Variants in NBEA observed in about 807,000 individuals in gnomAD.
NBEA encodes the protein lysosomal-trafficking regulator 2.
In NBEA, 44 loss-of-function variants were observed where a neutral mutation model predicts 343.4. The ratio of observed to expected loss-of-function variants is 0.13; its 90% CI spans 0.10 to 0.16. NBEA has a LOEUF of 0.16. Ranked by LOEUF, NBEA falls within the 10% of genes least tolerant of loss-of-function variation. The pLI, the probability that NBEA is intolerant of heterozygous loss-of-function variation, is 1.00. For synonymous variants in NBEA, 1,175 were observed against 1,238.7 expected, an observed-to-expected ratio of 0.95 and a Z score of 1.08; for missense variants, 2,555 against 3,631.3, an observed-to-expected ratio of 0.70 and a Z score of 7.62.
intron 1 of NBEA, 46 bp from the exon 2 acceptor site, chr13:35,040,887 A>G (rs1442802710): frequency 1.3e-6 from 2 of 1,492,926 alleles, no homozygotes; most frequent in Non-Finnish European, 1.9e-6. Context: ...ACTGTCATCG[A>G]TAACCTCCCA....
intron 1 of NBEA, among the ~76,000 whole-genome samples, chr13:34,996,295 GTT>G (rs2060937901): frequency 6.6e-6 from 1 of 152,010 alleles, no homozygotes; most frequent in African/African-American, 2.4e-5. Flanking sequence ...TTAGAAAACT[GTT>G]GATAGAGTCT....
At chr13:35,391,644 T>A (rs2042505502) in intron 38 of NBEA, among the ~76,000 whole-genome samples, 1 of 151,898 alleles carries the variant, frequency 6.6e-6, no homozygotes, top group East Asian at 1.9e-4. Context: ...TCATTGTAGA[T>A]GCATGAAGTA....
intron 48 of NBEA, among the ~76,000 whole-genome samples, chr13:35,615,317 G>T (rs2082693058): frequency 6.6e-6 from 1 of 150,588 alleles, no homozygotes; most frequent in South Asian, 2.1e-4. Context: ...ATTAGCTGAG[G>T]AGTTATTGAC....
chr13:35,159,883 A>G lies in NBEA; in HGVS notation c.3712A>G (p.Thr1238Ala). 1 of 1,601,816 alleles carries G rather than the reference A, an allele frequency of 6.2e-7. No individual in the cohort carries two copies. Residue 1238 changes from threonine (T) to alanine (A), a missense_variant, in exon 22 of 59, where the codon ACT becomes GCT. Physicochemically the swap from Thr to Ala is moderately conservative, Grantham distance 58 (BLOSUM62 0). Coordinates refer to ENST00000379939, the MANE Select transcript of NBEA (RefSeq NM_001385012.1). ...TAAGGGGCTGGAGTATGCTGAAATGACTGCTACAACTCTGGAAACTGAGTC... is the reference window on the plus strand; with the variant it reads ...TAAGGGGCTGGAGTATGCTGAAATGGCTGCTACAACTCTGGAAACTGAGTC... ...STKGLEYAEM[T>A]ATTLETESSS...
intron 41 of NBEA, chr13:35,475,375 T>C (rs1197389991): frequency 1.2e-6 from 2 of 1,613,724 alleles, no homozygotes; most frequent in African/African-American, 1.3e-5. Context: ...CCTTAAGGTT[T>C]TGAGGATGGA....
intron 34 of NBEA, among the ~76,000 whole-genome samples, chr13:35,257,492 TG>T (rs1164826063): frequency 6.6e-6 from 1 of 152,224 alleles, no homozygotes; most frequent in Non-Finnish European, 1.5e-5. Flanking sequence ...ATGACTACTA[TG>T]GTTATGTTTA....
At chr13:35,503,796 T>C (rs1284064164) in intron 41 of NBEA, among the ~76,000 whole-genome samples, 1 of 152,120 alleles carries the variant, frequency 6.6e-6, no homozygotes, top group Non-Finnish European at 1.5e-5. Context: ...ATTATTCTTA[T>C]TTATTTTTGT....
intron 38 of NBEA, among the ~76,000 whole-genome samples, chr13:35,365,737 A>G (rs981179454): frequency 8.0e-4 from 121 of 151,752 alleles, no homozygotes; most frequent in African/African-American, 2.8e-3. Context: ...TTGGAAAATT[A>G]TGTAAATATA....
At chr13:35,416,814 AC>A (rs201875896) in intron 38 of NBEA, among the ~76,000 whole-genome samples, 4,080 of 152,270 alleles carry the variant, frequency 0.027, 80 homozygotes, top group Non-Finnish European at 0.04. Context: ...AAAGAATATT[AC>A]CAGCTCCTCT....
rs139564858 is a variant in NBEA at position 35,008,076 on chromosome 13, G to A, written c.295-32857G>A. Among the ~76,000 whole-genome samples, 541 of 152,222 alleles carry A rather than the reference G, an allele frequency of 3.6e-3. 2 individuals are homozygous for A. Among genetic ancestry groups the A allele is most frequent in the Middle Eastern group, 0.01 (3 of 294 alleles). ...ACGCTGGTGCTGGTGTGTAGGCTTG[G>A]GACCCTGGCAGTCACAGATTGTTAC... is the stretch of plus-strand genomic sequence containing the variant. On this transcript the variant is annotated intron_variant, in intron 1 of 58. Coordinates refer to ENST00000379939, the MANE Select transcript of NBEA (RefSeq NM_001385012.1).
At chr13:35,152,891 A>T (rs1425946824) in intron 18 of NBEA, among the ~76,000 whole-genome samples, 2 of 152,074 alleles carry the variant, frequency 1.3e-5, no homozygotes, top group Non-Finnish European at 2.9e-5. Flanking sequence ...GTTTGGGGTT[A>T]CTATGCATAT....
At chr13:35,499,351 G>C (rs1481216031) in intron 41 of NBEA, among the ~76,000 whole-genome samples, 2 of 152,114 alleles carry the variant, frequency 1.3e-5, no homozygotes, top group East Asian at 2.0e-4. Context: ...CTTCTCAAGA[G>C]CACTTCAGCA....
At chr13:35,426,730 C>T (rs1340035280) in intron 38 of NBEA, among the ~76,000 whole-genome samples, 13 of 152,156 alleles carry the variant, frequency 8.5e-5, no homozygotes. Context: ...GGATAATATC[C>T]TGCAGAGTGT....
intron 10 of NBEA, among the ~76,000 whole-genome samples, chr13:35,093,932 G>A (rs562659084): frequency 2.0e-4 from 31 of 151,532 alleles, no homozygotes; most frequent in Non-Finnish European, 4.0e-4. Flanking sequence ...TAATAAAAAG[G>A]CATTTTGCTC....
At chr13:35,300,915 T>A (rs1268057161) in intron 35 of NBEA, among the ~76,000 whole-genome samples, 1 of 152,134 alleles carries the variant, frequency 6.6e-6, no homozygotes, top group East Asian at 1.9e-4. Flanking sequence ...GTTGTCTACC[T>A]AGGATGTAAA....
chr13:34,963,523 A>G (rs1431791427), intron 1 of NBEA, among the ~76,000 whole-genome samples: 3 of 152,184 alleles, frequency 2.0e-5, no homozygotes, highest in South Asian at 2.1e-4. Flanking sequence ...AGTGCAGCCC[A>G]TAACAGCTGG....
At chr13:35,390,967 G>A (rs1047465312) in intron 38 of NBEA, among the ~76,000 whole-genome samples, 2 of 152,022 alleles carry the variant, frequency 1.3e-5, no homozygotes, top group South Asian at 2.1e-4. Context: ...TAAATCAGTT[G>A]TCCTATGCCA....
intron 41 of NBEA, among the ~76,000 whole-genome samples, chr13:35,538,862 G>A (rs1232440342): frequency 6.6e-6 from 1 of 152,168 alleles, no homozygotes; most frequent in African/African-American, 2.4e-5. Context: ...AGTACTCATC[G>A]TGGTTCAATC....
intron 34 of NBEA, among the ~76,000 whole-genome samples, chr13:35,238,617 G>A (rs1404439146): frequency 1.3e-5 from 2 of 152,152 alleles, no homozygotes; most frequent in Non-Finnish European, 2.9e-5. Context: ...TCCTGGGTTA[G>A]GTGTCTGACC....
Sources: allele counts gnomAD v4.1 joint callset (sites outside exome capture counted in the v4.1 genomes callset), GRCh38; gene constraint gnomAD v4.1.1; transcripts MANE v1.5; gene names NCBI Gene and HGNC (gene_info 2026-07-23, HGNC 2026-07-21).